TNNT2: variants seen among roughly 807,000 people sequenced by gnomAD.
The protein encoded by TNNT2 is troponin T, cardiac muscle.
A neutral mutation model predicts 62.4 loss-of-function variants in TNNT2; 34 were observed. The ratio of observed to expected loss-of-function variants is 0.54; its 90% CI spans 0.41 to 0.72. The LOEUF is 0.72. Ranked by LOEUF, TNNT2 falls within the 30% of genes least tolerant of loss-of-function variation. The pLI, the probability that TNNT2 is intolerant of heterozygous loss-of-function variation, is 0.00. For missense variants in TNNT2, 275 were observed against 381.9 expected (o/e 0.72, Z 2.33); for synonymous variants, 123 against 127.2 (o/e 0.97, Z 0.22).
intron 8 of TNNT2, 145 bp downstream of exon 8, chr1:201,366,693 C>T: frequency 3.8e-6 from 6 of 1,581,128 alleles, no homozygotes; most frequent in Non-Finnish European, 5.1e-6. Flanking sequence ...TTGTGCAGTA[C>T]ACAACTTGTA....
rs977983794 is a variant in TNNT2, at chr1:201,366,045, C to A, written c.234-375G>T. Reference sequence around the variant, plus strand: ...CTTGGACTTCAAATCCCCTGGTGGACCCCGCAGAAACTGGCCATGAACCTG... The same window carrying A: ...CTTGGACTTCAAATCCCCTGGTGGAACCCGCAGAAACTGGCCATGAACCTG... On this transcript the variant is annotated intron_variant, in intron 8 of 16. Transcript: ENST00000656932. The A allele has an allele frequency of 2.6e-6, 3 of 1,166,350 alleles. No individual in the cohort carries two copies. The Admixed American group carries it at 1.1e-4, about 44-fold the overall frequency. The allele number at this position is 1,166,350 out of a possible 1,614,324, so 72.3% of individuals were successfully genotyped here.
At chr1:201,369,980 C>A in intron 4 of TNNT2, 135 bp from the exon 5 acceptor site, 1 of 941,648 alleles carries the variant, frequency 1.1e-6, no homozygotes, top group Non-Finnish European at 1.7e-6. Context: ...GCCGGCATTC[C>A]AATTCCCAAG....
Position 201,361,954 on chromosome 1 carries a change from C to T in TNNT2, c.678G>A (p.Arg226=). ...EKKKKILAER[R]KVLAIDHLNE... is the part of the protein sequence containing the mutation. ...TCAGGTGGTCAATGGCCAGCACCTT[C>T]CTCCTCTCAGCCAGAATCTTCTTCT... The change falls in exon 14 of 17, where the codon AGG becomes AGA. Residue 226 remains arginine (R), a synonymous_variant. Transcript: ENST00000656932. The T allele has an allele frequency of 1.2e-6, 2 of 1,614,230 alleles. No individual in the cohort carries two copies. Among genetic ancestry groups the T allele is most frequent in the Non-Finnish European group, 8.5e-7 (1 of 1,180,030 alleles).
chr1:201,366,336 A>T (rs1659647205), intron 8 of TNNT2: 6 of 1,001,626 alleles, frequency 6.0e-6, no homozygotes, highest in Non-Finnish European at 7.1e-6. Flanking sequence ...TTGGCATCAT[A>T]AAAAGGGAAA....
intron 10 of TNNT2, 38 bp from the exon 11 acceptor site, chr1:201,364,413 G>T: frequency 6.2e-7 from 1 of 1,602,330 alleles, no homozygotes. Flanking sequence ...GGTGTGCATA[G>T]GGAGAAGGTG....
chr1:201,372,363 C>T (rs1242741699), intron 2 of TNNT2, among the ~76,000 whole-genome samples: 1 of 152,194 alleles, frequency 6.6e-6, no homozygotes, highest in African/African-American at 2.4e-5. Flanking sequence ...CTGCCTCCTA[C>T]CATCCTCCGC....
intron 7 of TNNT2, 125 bp from the exon 8 acceptor site, chr1:201,366,996 C>A: frequency 1.3e-6 from 2 of 1,516,268 alleles, no homozygotes; most frequent in Non-Finnish European, 1.8e-6. Flanking sequence ...TCCCTCCCGG[C>A]ACTGGGGAGC....
At chr1:201,367,574 A>T in intron 7 of TNNT2, 197 bp downstream of exon 7, 2 of 680,524 alleles carry the variant, frequency 2.9e-6, no homozygotes, top group East Asian at 5.3e-5. Context: ...CACCAATGCA[A>T]CTTCTCTGGG....
intron 8 of TNNT2, chr1:201,366,637 T>G: frequency 2.0e-6 from 3 of 1,467,172 alleles, no homozygotes; most frequent in Non-Finnish European, 1.8e-6. Context: ...GGTGATGGAG[T>G]GTTGGGTGGA....
chr1:201,377,208 C>A (rs1004854851), intron 1 of TNNT2, among the ~76,000 whole-genome samples: 3 of 152,158 alleles, frequency 2.0e-5, no homozygotes, highest in Admixed American at 6.5e-5. Flanking sequence ...AGGTGACCCT[C>A]GGCCTGGAAC....
intron 12 of TNNT2, 93 bp from the exon 13 acceptor site, chr1:201,362,487 G>A (rs2102238579): frequency 1.3e-6 from 2 of 1,493,036 alleles, no homozygotes; most frequent in East Asian, 2.3e-5. Flanking sequence ...AAGGCAAGGA[G>A]AGACATGGAA....
At chr1:201,365,358 GGA>G (rs1448471331) in intron 9 of TNNT2, 51 bp from the exon 10 acceptor site, 2 of 1,504,730 alleles carry the variant, frequency 1.3e-6, no homozygotes, top group Middle Eastern at 1.7e-4. Context: ...AGAGTCCAGA[GGA>G]GAGATGGGTG....
chr1:201,365,420 G>A (rs1002311620), intron 9 of TNNT2, 113 bp from the exon 10 acceptor site: 30 of 1,206,630 alleles, frequency 2.5e-5, no homozygotes, highest in Admixed American at 3.4e-5. Flanking sequence ...AGGGCCTGGC[G>A]CCTGGCCAGG....
intron 11 of TNNT2, chr1:201,363,868 T>G: frequency 3.5e-6 from 1 of 286,098 alleles, no homozygotes; most frequent in Non-Finnish European, 6.6e-6. Flanking sequence ...AGGTTGATAT[T>G]GATATTGTCT....
rs768709734 is a variant in TNNT2, at chr1:201,359,202, G to A, written c.*8C>T. ...GAGGAGCAGATCTTTGGTGAAGGAG[G>A]CCAGGCTCTATTTCCAGCGCCCGGT... is the stretch of plus-strand genomic sequence containing the variant. On this transcript the variant is annotated 3_prime_UTR_variant, in exon 17 of 17. Coordinates refer to ENST00000656932, the MANE Select transcript of TNNT2 (RefSeq NM_001276345.2). 5.6e-6 allele frequency: 9 copies of A among 1,608,486 alleles called. No homozygotes were observed. In the East Asian group the frequency reaches 1.8e-4, roughly 32 times the overall value.
At chr1:201,359,778 G>T in intron 15 of TNNT2, 115 bp from the exon 16 acceptor site, 1 of 913,428 alleles carries the variant, frequency 1.1e-6, no homozygotes, top group African/African-American at 1.7e-5. Flanking sequence ...AGGAGAAGGA[G>T]GAGCATGGAA....
intron 7 of TNNT2, 109 bp from the exon 8 acceptor site, chr1:201,366,980 A>G (rs1287779704): frequency 6.3e-7 from 1 of 1,582,828 alleles, no homozygotes; most frequent in South Asian, 1.1e-5. Context: ...CCATCTGCAC[A>G]GTGAGTCCCT....
intron 14 of TNNT2, 133 bp downstream of exon 14, chr1:201,361,780 C>T: frequency 1.1e-6 from 1 of 885,830 alleles, no homozygotes; most frequent in Non-Finnish European, 1.9e-6. Context: ...GCTCTGGTCC[C>T]ACCAAACTTG....
At chr1:201,375,608 C>A (rs772041475) in intron 1 of TNNT2, among the ~76,000 whole-genome samples, 5 of 152,150 alleles carry the variant, frequency 3.3e-5, no homozygotes, top group Non-Finnish European at 7.4e-5. Flanking sequence ...AAGAGAATAG[C>A]CTTCCTAACC....
Sources: gnomAD v4.1 joint callset for allele counts (sites outside exome capture counted in the v4.1 genomes callset) on GRCh38, gnomAD v4.1.1 for gene constraint, MANE v1.5 for transcripts, NCBI Gene and HGNC (gene_info 2026-07-23, HGNC 2026-07-21) for gene names.